The following KAT6B variants were observed in gnomAD, a reference collection of about 807,000 sequenced individuals.
KAT6B encodes the protein histone acetyltransferase KAT6B.
Under a neutral mutation model 187.5 loss-of-function variants are expected in KAT6B, and 10 were observed. The observed-to-expected ratio is 0.05, with a 90% confidence interval of 0.03 to 0.09. The LOEUF (loss-of-function observed/expected upper bound fraction) is 0.09. KAT6B is among the 10% of genes least tolerant of loss of function. The probability of loss-of-function intolerance (pLI) is 1.00; values close to 1 mark genes in which losing one functional copy is unlikely to be tolerated. For synonymous variants in KAT6B, 861 were observed against 926.8 expected (o/e 0.93, Z 1.29); for missense variants, 1,952 against 2,558.9 (o/e 0.76, Z 5.12).
chr10:74,926,979 G>A (rs1038942563), intron 3 of KAT6B, among the ~76,000 whole-genome samples: 6 of 152,100 alleles, frequency 3.9e-5, no homozygotes, highest in East Asian at 3.8e-4. Flanking sequence ...AGAGTTAAGC[G>A]TATTCAATAA....
At chr10:74,929,670 G>A (rs986265294) in intron 3 of KAT6B, among the ~76,000 whole-genome samples, 2 of 152,004 alleles carry the variant, frequency 1.3e-5, no homozygotes, top group Non-Finnish European at 2.9e-5. Flanking sequence ...GGCTTCTAAC[G>A]GGCTGCTAGT....
In KAT6B at chr10:74,969,731, G is replaced by A. The variant is rs1427379278; in HGVS notation, c.802G>A (p.Glu268Lys). 3 of 1,613,864 alleles carry A rather than the reference G, an allele frequency of 1.9e-6. No individual in the cohort carries two copies. The highest frequency in any genetic ancestry group is 2.5e-6 in the Non-Finnish European group (3 of 1,179,882). Residue 268 changes from glutamate to lysine, a missense_variant, in exon 5 of 18, where the codon GAA becomes AAA. Physicochemically the swap from Glu to Lys is moderately conservative, Grantham distance 56. Transcript: ENST00000287239. ...NVKALRWQCI[E>K]CKTCSACRVQ... ...AAAGGCCTTAAGGTGGCAGTGCATC[G>A]AATGCAAGACATGCAGTGCCTGTAG...
chr10:74,999,468 C>T (rs908049063), intron 13 of KAT6B, among the ~76,000 whole-genome samples: 5 of 152,096 alleles, frequency 3.3e-5, no homozygotes, highest in African/African-American at 1.2e-4. Flanking sequence ...GGGTGGAGTG[C>T]TTGGAGTGTT....
In KAT6B at chr10:75,025,217, A is replaced by G; in HGVS notation, c.3632A>G (p.Asn1211Ser). ...ACAGAGGAAGAGGAAGGAAAAGACA[A>G]TCATTGCTTCAAGAATGCTGACCCT... ...RQTEEEEGKDNHCFKNADPCR... is the reference protein window; with the variant it reads ...RQTEEEEGKDSHCFKNADPCR... Residue 1211 changes from asparagine (N) to serine (S), a missense_variant, in exon 17 of 18, where the codon AAT becomes AGT. Asn to Ser is a conservative substitution (Grantham distance 46). Around this residue, in one of 9 missense-constraint regions of KAT6B, gnomAD observed 758 missense variants for 891.4 expected, o/e 0.85. Transcript: ENST00000287239. The G allele has an allele frequency of 1.9e-6, 3 of 1,614,204 alleles. No individual in the cohort carries two copies. The highest frequency in any genetic ancestry group is 2.5e-6 in the Non-Finnish European group (3 of 1,180,024).
In KAT6B at chr10:74,967,733, A is replaced by G. The variant is rs1841577501; in HGVS notation, c.731-1927A>G. 3.3e-5 allele frequency among the ~76,000 whole-genome samples: 5 copies of G among 152,226 alleles called. No individual in the cohort carries two copies. In the South Asian group the frequency reaches 1.0e-3, roughly 31 times the overall value. The stretch of plus-strand genomic sequence containing the variant: ...GTGAGAGAAACCATTAAGAGAAAGA[A>G]TATTCCTTGCCCCTGATTGAAAATG... On this transcript the variant is annotated intron_variant, in intron 4 of 17. Coordinates refer to ENST00000287239, the MANE Select transcript of KAT6B (RefSeq NM_012330.4).
intron 2 of KAT6B, among the ~76,000 whole-genome samples, chr10:74,840,765 G>A (rs1478671773): frequency 6.6e-6 from 1 of 152,076 alleles, no homozygotes; most frequent in Non-Finnish European, 1.5e-5. Context: ...GGACAATCTT[G>A]TTTAAATTGC....
intron 3 of KAT6B, among the ~76,000 whole-genome samples, chr10:74,885,507 A>G (rs965150441): frequency 1.3e-5 from 2 of 152,210 alleles, no homozygotes; most frequent in Non-Finnish European, 2.9e-5. Context: ...TCTTTAATAA[A>G]GATGCAAGTT....
chr10:74,859,747 T>G (rs1843047364), intron 3 of KAT6B, among the ~76,000 whole-genome samples: 1 of 152,252 alleles, frequency 6.6e-6, no homozygotes, highest in Non-Finnish European at 1.5e-5. Context: ...CCTTCTAACT[T>G]AACTCATTTT....
At chr10:74,917,091 C>T (rs553786357) in intron 3 of KAT6B, among the ~76,000 whole-genome samples, 9 of 152,174 alleles carry the variant, frequency 5.9e-5, no homozygotes, top group Admixed American at 1.3e-4. Context: ...GGTGACAGGC[C>T]GAGACCCTGT....
At chr10:74,914,603 A>T (rs1847517379) in intron 3 of KAT6B, among the ~76,000 whole-genome samples, 1 of 152,224 alleles carries the variant, frequency 6.6e-6, no homozygotes, top group Non-Finnish European at 1.5e-5. Context: ...CAACTGGCTC[A>T]AGAAATTAGG....
Position 75,022,154 on chromosome 10 carries a change from GA to G in KAT6B, c.3297del (p.Glu1100LysfsTer14), listed in dbSNP as rs766635628. On this transcript the variant is annotated frameshift_variant, in exon 16 of 18. Coordinates refer to ENST00000287239, the MANE Select transcript of KAT6B (RefSeq NM_012330.4). LOFTEE classifies it high-confidence loss of function. ...TGAAGAGGAGGAAGAAGAGGAAGAA[GA>G]AGAAGAAGAAGAAGAAAATATTCAA... ...EDEEEEEEEEEEEEEENIQSS... is the reference protein window; with the variant it reads ...EDEEEEEEEEXEEEEENIQSS... 6 of 1,612,484 alleles carry G rather than the reference GA, an allele frequency of 3.7e-6. No homozygotes were observed. In the South Asian group the frequency reaches 4.4e-5, roughly 12 times the overall value.
chr10:74,893,975 T>C (rs144759923), intron 3 of KAT6B, among the ~76,000 whole-genome samples: 177 of 152,380 alleles, frequency 1.2e-3, no homozygotes, highest in African/African-American at 3.7e-3. Flanking sequence ...GCTTGAACAC[T>C]AAATTTGTTG....
At chr10:74,979,369 C>T in intron 10 of KAT6B, 30 bp downstream of exon 10, 1 of 1,385,254 alleles carries the variant, frequency 7.2e-7, no homozygotes, top group Non-Finnish European at 1.0e-6. Context: ...AGGTGTATAA[C>T]TTGAATGTCA....
At chr10:75,018,977 T>C (rs774266411) in intron 13 of KAT6B, among the ~76,000 whole-genome samples, 2 of 152,172 alleles carry the variant, frequency 1.3e-5, no homozygotes, top group Non-Finnish European at 2.9e-5. Flanking sequence ...GTGCCAATTA[T>C]CTGTATTCTG....
intron 13 of KAT6B, among the ~76,000 whole-genome samples, chr10:75,006,061 G>A (rs1449228169): frequency 6.6e-6 from 1 of 152,006 alleles, no homozygotes; most frequent in African/African-American, 2.4e-5. Context: ...CTTTTTTGGG[G>A]GCAAATACAG....
rs1195536321 is a variant in KAT6B at position 74,976,240 on chromosome 10, T to G, written c.1903T>G (p.Leu635Val). ...FLKKHRMLGR[L>V]KYKVTPQMGT... is the part of the protein sequence containing the mutation. ...TAAAAAGCACAGGATGCTAGGCAGA[T>G]TAAAATATAAAGTGACCCCTCAGAT... Residue 635 changes from leucine (L) to valine (V), a missense_variant, in exon 8 of 18, where the codon TTA (leucine) becomes GTA (valine). Physicochemically the swap from Leu to Val is conservative, Grantham distance 32 (BLOSUM62 1). This residue lies in a region of KAT6B where 417 missense variants were observed against 508.9 expected (regional missense o/e 0.82). Coordinates refer to ENST00000287239, the MANE Select transcript of KAT6B (RefSeq NM_012330.4). 1 of 1,614,076 alleles carries G rather than the reference T, an allele frequency of 6.2e-7. No individual in the cohort carries two copies. Among genetic ancestry groups the G allele is most frequent in the South Asian group, 1.1e-5 (1 of 91,078 alleles).
chr10:74,977,209 A>T, intron 8 of KAT6B, 107 bp from the exon 9 acceptor site: 2 of 1,192,802 alleles, frequency 1.7e-6, no homozygotes, highest in Non-Finnish European at 2.4e-6. Flanking sequence ...GCTTTAAAAA[A>T]AATCCCTATT....
intron 3 of KAT6B, among the ~76,000 whole-genome samples, chr10:74,934,022 C>CA (rs1427907348): frequency 6.6e-6 from 1 of 151,738 alleles, no homozygotes; most frequent in East Asian, 1.9e-4. Context: ...CCTGTCTCTA[C>CA]AAAAAATAGA....
chr10:75,009,815 A>C (rs79245817), intron 13 of KAT6B, among the ~76,000 whole-genome samples: 1 of 152,090 alleles, frequency 6.6e-6, no homozygotes, highest in African/African-American at 2.4e-5. Context: ...AGACCAGCCT[A>C]ACATGAAGCA....
Sources: gnomAD v4.1 joint callset for allele counts (sites outside exome capture counted in the v4.1 genomes callset) on GRCh38, gnomAD v4.1.1 for gene constraint, gnomAD v4.1.1 regional missense constraint, MANE v1.5 for transcripts, NCBI Gene and HGNC (gene_info 2026-07-23, HGNC 2026-07-21) for gene names.